RBFOX1: variants seen among roughly 807,000 people sequenced by gnomAD.
RBFOX1 encodes RNA binding protein fox-1 homolog 1.
In RBFOX1, 8 loss-of-function variants were observed where a neutral mutation model predicts 57.7. The ratio of observed to expected loss-of-function variants is 0.14; its 90% CI spans 0.08 to 0.25. The LOEUF is 0.25. Ranked by LOEUF, RBFOX1 falls within the 10% of genes least tolerant of loss-of-function variation. The probability of loss-of-function intolerance (pLI) is 1.00; values close to 1 mark genes in which losing one functional copy is unlikely to be tolerated. For synonymous variants in RBFOX1, 326 were observed against 222.4 expected (o/e 1.47, Z -4.15); for missense variants, 611 against 548.5 (o/e 1.11, Z -1.14).
intron 4 of RBFOX1, among the ~76,000 whole-genome samples, chr16:7,223,693 A>G (rs1017356982): frequency 1.4e-5 from 2 of 146,560 alleles, no homozygotes; most frequent in Non-Finnish European, 3.0e-5. Context: ...ATTCCCCACT[A>G]TATGCCGTCA....
At chr16:6,435,166 G>C (rs1278140581) in intron 2 of RBFOX1, among the ~76,000 whole-genome samples, 1 of 151,998 alleles carries the variant, frequency 6.6e-6, no homozygotes, top group Non-Finnish European at 1.5e-5. Flanking sequence ...CGTAGTGAAC[G>C]CATGTTACCA....
intron 1 of RBFOX1, among the ~76,000 whole-genome samples, chr16:6,032,728 C>T (rs993664171): frequency 3.3e-5 from 5 of 151,988 alleles, no homozygotes; most frequent in Non-Finnish European, 5.9e-5. Context: ...TATTCTGCTA[C>T]AGTTATAAAT....
intron 4 of RBFOX1, among the ~76,000 whole-genome samples, chr16:7,300,213 C>G (rs1321274216): frequency 2.6e-5 from 4 of 152,154 alleles, no homozygotes; most frequent in African/African-American, 9.7e-5. Context: ...TTACTTTCTG[C>G]TGCCCCTCCC....
intron 3 of RBFOX1, among the ~76,000 whole-genome samples, chr16:5,819,665 G>C (rs1209236720): frequency 6.6e-6 from 1 of 152,174 alleles, no homozygotes; most frequent in Admixed American, 6.5e-5. Flanking sequence ...GTGTCTCCAG[G>C]CCCTTATCTA....
At chr16:7,060,323 G>T (rs1246245133) in intron 4 of RBFOX1, among the ~76,000 whole-genome samples, 1 of 152,206 alleles carries the variant, frequency 6.6e-6, no homozygotes, top group African/African-American at 2.4e-5. Flanking sequence ...TGAAATGTTA[G>T]TGAGGTGTAT....
rs140505110 is a variant in RBFOX1 at position 7,529,909 on chromosome 16, G to A, written c.270+11520G>A. On this transcript the variant is annotated intron_variant, in intron 5 of 15. Transcript: ENST00000550418. ...CTGTAATCCCAGCTACTTGGGAGGC[G>A]GAGGCAGGAGAATCACTTGAATGCA... Among the ~76,000 whole-genome samples, 443 of 150,800 alleles carry A rather than the reference G, an allele frequency of 2.9e-3. 4 individuals carry two copies. Among genetic ancestry groups the A allele is most frequent in the African/African-American group, 0.01 (429 of 41,228 alleles).
chr16:7,319,752 A>G (rs774607382), intron 4 of RBFOX1, among the ~76,000 whole-genome samples: 9 of 152,170 alleles, frequency 5.9e-5, no homozygotes, highest in Non-Finnish European at 1.2e-4. Flanking sequence ...GAGGAAAGGA[A>G]GTAGGATTTG....
intron 1 of RBFOX1, among the ~76,000 whole-genome samples, chr16:6,195,992 T>C (rs1567657097): frequency 6.6e-6 from 1 of 152,130 alleles, no homozygotes; most frequent in Non-Finnish European, 1.5e-5. Context: ...GAAGTAAGAA[T>C]CATAAAGACT....
intron 2 of RBFOX1, among the ~76,000 whole-genome samples, chr16:6,578,072 A>G (rs578140302): frequency 1.3e-5 from 2 of 152,332 alleles, no homozygotes; most frequent in South Asian, 4.1e-4. Context: ...ACAACAAAAA[A>G]TAAGGTAATA....
intron 4 of RBFOX1, among the ~76,000 whole-genome samples, chr16:7,379,659 A>G (rs991693500): frequency 1.3e-5 from 2 of 152,126 alleles, no homozygotes; most frequent in Non-Finnish European, 2.9e-5. Context: ...AGGGTTTTAG[A>G]CAGGGTATTT....
chr16:6,357,967 A>G (rs1251387829), intron 2 of RBFOX1, among the ~76,000 whole-genome samples: 2 of 151,490 alleles, frequency 1.3e-5, no homozygotes, highest in Admixed American at 6.6e-5. Context: ...AAAAAAGAAA[A>G]AAAAAAAAAA....
intron 4 of RBFOX1, among the ~76,000 whole-genome samples, chr16:7,396,700 G>A (rs1420755759): frequency 6.6e-6 from 1 of 152,190 alleles, no homozygotes; most frequent in East Asian, 1.9e-4. Flanking sequence ...AGCACTTTGG[G>A]AGGCTGAGGT....
chr16:6,878,287 G>T (rs1055723952), intron 3 of RBFOX1, among the ~76,000 whole-genome samples: 1 of 152,174 alleles, frequency 6.6e-6, no homozygotes, highest in African/African-American at 2.4e-5. Context: ...CATGAGAGCA[G>T]TTCTGGCTAA....
intron 1 of RBFOX1, among the ~76,000 whole-genome samples, chr16:5,390,039 A>G (rs570209958): frequency 2.6e-5 from 4 of 152,180 alleles, no homozygotes; most frequent in Non-Finnish European, 5.9e-5. Context: ...TTCCATTTTT[A>G]TTCTGTAGCT....
intron 14 of RBFOX1, among the ~76,000 whole-genome samples, chr16:7,708,559 T>G (rs2083255828): frequency 1.3e-5 from 2 of 152,210 alleles, no homozygotes; most frequent in South Asian, 4.1e-4. Context: ...TCAAATATAC[T>G]TGTTCCTTTC....
chr16:5,990,721 A>G (rs1359483800), intron 4 of RBFOX1, among the ~76,000 whole-genome samples: 1 of 152,202 alleles, frequency 6.6e-6, no homozygotes, highest in Non-Finnish European at 1.5e-5. Context: ...TAATCGCAAC[A>G]CTTCAGAAGG....
At chr16:7,311,369 C>T (rs2096302604) in intron 4 of RBFOX1, among the ~76,000 whole-genome samples, 1 of 151,960 alleles carries the variant, frequency 6.6e-6, no homozygotes, top group Non-Finnish European at 1.5e-5. Flanking sequence ...TTTTTTCTCC[C>T]CTTTTGTGGC....
chr16:7,495,970 A>G (rs954556504), intron 4 of RBFOX1, among the ~76,000 whole-genome samples: 1 of 152,176 alleles, frequency 6.6e-6, no homozygotes, highest in African/African-American at 2.4e-5. Flanking sequence ...AATCCTGTAG[A>G]TTCTTAATAA....
At chr16:6,145,007 AT>A (rs2096746749) in intron 1 of RBFOX1, among the ~76,000 whole-genome samples, 4 of 151,998 alleles carry the variant, frequency 2.6e-5, no homozygotes, top group African/African-American at 9.6e-5. Flanking sequence ...AAGACCCTGC[AT>A]TTTATTTTTT....
Sources: allele counts gnomAD v4.1 joint callset (sites outside exome capture counted in the v4.1 genomes callset), GRCh38; gene constraint gnomAD v4.1.1; transcripts MANE v1.5; gene names NCBI Gene and HGNC (gene_info 2026-07-23, HGNC 2026-07-21).